ATP6V1H: variants seen among roughly 807,000 people sequenced by gnomAD.
ATP6V1H encodes the protein V-type proton ATPase subunit H.
ATP6V1H carries 39 observed loss-of-function variants against 71.7 expected under a neutral mutation model. That is an observed-to-expected ratio of 0.54 (90% CI 0.42 to 0.71). The LOEUF (loss-of-function observed/expected upper bound fraction) is 0.71, where lower values mean the gene tolerates loss of function less well. Among genes scored for constraint, ATP6V1H ranks in the 30% least tolerant of loss-of-function variants. The probability of loss-of-function intolerance (pLI) is 0.00; values close to 1 mark genes in which losing one functional copy is unlikely to be tolerated. For synonymous variants in ATP6V1H, 192 were observed against 199.3 expected, an observed-to-expected ratio of 0.96 and a Z score of 0.31; for missense variants, 509 against 594.9, an observed-to-expected ratio of 0.86 and a Z score of 1.50.
At chr8:53,719,530 C>T (rs926334422) in intron 13 of ATP6V1H, among the ~76,000 whole-genome samples, 1 of 152,166 alleles carries the variant, frequency 6.6e-6, no homozygotes, top group Admixed American at 6.5e-5. Context: ...ATTCCCAAGA[C>T]TGGGGGACAC....
intron 10 of ATP6V1H, among the ~76,000 whole-genome samples, chr8:53,770,167 T>C (rs1318774396): frequency 1.3e-5 from 2 of 152,188 alleles, no homozygotes; most frequent in Non-Finnish European, 2.9e-5. Context: ...CATATTATAC[T>C]ATAAATATCA....
chr8:53,772,131 G>C lies in ATP6V1H; in HGVS notation c.907C>G (p.Gln303Glu). Residue 303 changes from glutamine (Q) to glutamate (E), a missense_variant, in exon 10 of 14, where the codon CAA becomes GAA. Coordinates refer to ENST00000359530, the MANE Select transcript of ATP6V1H (RefSeq NM_015941.4). ...LEKSTERETR[Q>E]EYALAMIQCK... Reference sequence around the variant, plus strand: ...TGAATCATAGCCAGGGCATATTCTTGGCGAGTTTCTCTTTCAGTTGATTTT... The same window carrying C: ...TGAATCATAGCCAGGGCATATTCTTCGCGAGTTTCTCTTTCAGTTGATTTT... 2 of 1,613,190 alleles carry C rather than the reference G, an allele frequency of 1.2e-6. No individual in the cohort carries two copies. Among genetic ancestry groups the C allele is most frequent in the Non-Finnish European group, 1.7e-6 (2 of 1,179,802 alleles).
At chr8:53,740,924 C>T (rs1374574549) in intron 13 of ATP6V1H, among the ~76,000 whole-genome samples, 1 of 152,152 alleles carries the variant, frequency 6.6e-6, no homozygotes, top group African/African-American at 2.4e-5. Flanking sequence ...ATACAGAGAT[C>T]ACAGGTGAAT....
At chr8:53,716,642 A>C (rs553094637) in intron 13 of ATP6V1H, among the ~76,000 whole-genome samples, 34 of 152,326 alleles carry the variant, frequency 2.2e-4, no homozygotes, top group Non-Finnish European at 3.8e-4. Flanking sequence ...GAACAATCCC[A>C]GGAGCTGAGT....
chr8:53,722,299 G>A (rs954765968), intron 13 of ATP6V1H, among the ~76,000 whole-genome samples: 9 of 152,192 alleles, frequency 5.9e-5, no homozygotes, highest in Admixed American at 5.2e-4. Flanking sequence ...AAGCATTGGA[G>A]TTGGCAGCAA....
intron 13 of ATP6V1H, among the ~76,000 whole-genome samples, chr8:53,718,555 A>G (rs578241265): frequency 6.6e-6 from 1 of 151,966 alleles, no homozygotes; most frequent in South Asian, 2.1e-4. Context: ...ATGCCTGGCT[A>G]ATTTTTGTAT....
At chr8:53,790,978 C>G (rs1337887108) in intron 9 of ATP6V1H, among the ~76,000 whole-genome samples, 2 of 151,988 alleles carry the variant, frequency 1.3e-5, no homozygotes, top group South Asian at 4.1e-4. Flanking sequence ...AAAGATCAAA[C>G]TAGCTCTATT....
intron 6 of ATP6V1H, 136 bp downstream of exon 6, chr8:53,814,526 T>G: frequency 1.8e-6 from 1 of 549,124 alleles, no homozygotes; most frequent in Non-Finnish European, 3.2e-6. Context: ...TGAGAGTAGT[T>G]TGGTTTACTT....
chr8:53,743,495 A>G (rs1399567350), intron 13 of ATP6V1H, 82 bp downstream of exon 13: 1 of 946,318 alleles, frequency 1.1e-6, no homozygotes. Context: ...GATCATTCAA[A>G]GCATTTGCAT....
At chr8:53,742,156 A>G (rs1807434898) in intron 13 of ATP6V1H, among the ~76,000 whole-genome samples, 2 of 152,150 alleles carry the variant, frequency 1.3e-5, no homozygotes, top group Admixed American at 1.3e-4. Flanking sequence ...TTCCCCTCGT[A>G]CCATCCTTCA....
At chr8:53,794,344 T>A (rs1027009368) in intron 9 of ATP6V1H, among the ~76,000 whole-genome samples, 5 of 152,184 alleles carry the variant, frequency 3.3e-5, no homozygotes, top group African/African-American at 1.2e-4. Context: ...TTGCAATACA[T>A]CTGTACCACT....
chr8:53,744,418 T>C (rs570960499), intron 12 of ATP6V1H, among the ~76,000 whole-genome samples: 15 of 152,336 alleles, frequency 9.8e-5, no homozygotes, highest in South Asian at 4.1e-4. Context: ...CTCTGTTTCT[T>C]TGCAAAGGTG....
intron 2 of ATP6V1H, chr8:53,839,632 G>A: frequency 1.0e-6 from 1 of 985,272 alleles, no homozygotes; most frequent in African/African-American, 1.7e-5. Flanking sequence ...CACCCTTCAT[G>A]CTGCTAGTAG....
chr8:53,733,238 T>C (rs1238396574), intron 13 of ATP6V1H, among the ~76,000 whole-genome samples: 1 of 152,240 alleles, frequency 6.6e-6, no homozygotes, highest in African/African-American at 2.4e-5. Context: ...ACGCTTTCTT[T>C]AGCATCAGAC....
intron 10 of ATP6V1H, among the ~76,000 whole-genome samples, chr8:53,771,576 T>A (rs1808657882): frequency 6.6e-6 from 1 of 152,172 alleles, no homozygotes; most frequent in Non-Finnish European, 1.5e-5. Context: ...TTATTTACAT[T>A]ATTTTTAATA....
At chr8:53,842,589 T>C (rs1042071762) in intron 1 of ATP6V1H, 3 of 152,180 alleles carry the variant, frequency 2.0e-5, no homozygotes, top group Non-Finnish European at 2.9e-5. Flanking sequence ...TAAACAACCC[T>C]GGGCAGCGCG....
At chr8:53,790,979 T>G (rs951381640) in intron 9 of ATP6V1H, among the ~76,000 whole-genome samples, 5 of 152,188 alleles carry the variant, frequency 3.3e-5, no homozygotes, top group Admixed American at 6.5e-5. Context: ...AAGATCAAAC[T>G]AGCTCTATTT....
chr8:53,775,021 A>G (rs1431250533), intron 9 of ATP6V1H, among the ~76,000 whole-genome samples: 1 of 152,114 alleles, frequency 6.6e-6, no homozygotes, highest in Non-Finnish European at 1.5e-5. Context: ...GAAGCCGCGG[A>G]CCCTCGCGGT....
At chr8:53,722,703 G>A (rs938379648) in intron 13 of ATP6V1H, among the ~76,000 whole-genome samples, 6 of 152,094 alleles carry the variant, frequency 3.9e-5, no homozygotes, top group Admixed American at 1.3e-4. Flanking sequence ...TCCTACAGGA[G>A]AGTTAGACCT....
Sources: allele counts gnomAD v4.1 joint callset (sites outside exome capture counted in the v4.1 genomes callset), GRCh38; gene constraint gnomAD v4.1.1; transcripts MANE v1.5; gene names NCBI Gene and HGNC (gene_info 2026-07-23, HGNC 2026-07-21).